The following POU2AF3 variants were observed in gnomAD, a reference collection of about 807,000 sequenced individuals.
POU2AF3 encodes POU class 2 homeobox associating factor 3.
chr11:111,298,826 G>GGGGGGGCGCC, the POU2AF3 span: 4 of 790,958 alleles, frequency 5.1e-6, no homozygotes, highest in Non-Finnish European at 6.8e-6. Flanking sequence ...CGTACCCCAG[G>GGGGGGGCGCC]CCCCCGCCCG....
At chr11:111,298,837 C>T in the POU2AF3 span, 1 of 1,070,100 alleles carries the variant, frequency 9.3e-7, no homozygotes, top group Non-Finnish European at 1.2e-6. Context: ...CCCCCGCCCG[C>T]CCTCCCACGT....
At chr11:111,298,609 A>G in the POU2AF3 span, 1 of 1,246,604 alleles carries the variant, frequency 8.0e-7, no homozygotes, top group Non-Finnish European at 1.0e-6. Flanking sequence ...TGCTTCTCCT[A>G]GGGTCGGGTC....
the POU2AF3 span, among the ~76,000 whole-genome samples, chr11:111,303,600 T>C: frequency 6.6e-6 from 1 of 152,218 alleles, no homozygotes; most frequent in East Asian, 1.9e-4. Context: ...AGGCAGATTT[T>C]TTAATACCCA....
chr11:111,301,292 C>T, the POU2AF3 span, among the ~76,000 whole-genome samples: 1 of 152,240 alleles, frequency 6.6e-6, no homozygotes, highest in Non-Finnish European at 1.5e-5. Flanking sequence ...CTGCCAAAGG[C>T]ACTCAGGGCA....
the POU2AF3 span, chr11:111,298,826 G>GCGGGGGGCGC: frequency 1.0e-5 from 8 of 790,960 alleles, no homozygotes; most frequent in African/African-American, 1.8e-5. Context: ...CGTACCCCAG[G>GCGGGGGGCGC]CCCCCGCCCG....
the POU2AF3 span, among the ~76,000 whole-genome samples, chr11:111,306,915 T>C: frequency 2.6e-5 from 4 of 152,242 alleles, no homozygotes; most frequent in Non-Finnish European, 5.9e-5. Context: ...ATTCATTTAA[T>C]GTTTTTTAAA....
the POU2AF3 span, chr11:111,298,562 C>A: frequency 8.0e-7 from 1 of 1,246,588 alleles, no homozygotes; most frequent in Non-Finnish European, 1.0e-6. Flanking sequence ...CAGCCACCGA[C>A]CCAGCTCCTG....
chr11:111,303,163 A>G, the POU2AF3 span, among the ~76,000 whole-genome samples: 9 of 152,352 alleles, frequency 5.9e-5, no homozygotes, highest in South Asian at 1.7e-3. Flanking sequence ...CAGTGCCGGA[A>G]GAAACTGTGT....
At chr11:111,308,374 C>A in the POU2AF3 span, 1 of 1,551,686 alleles carries the variant, frequency 6.4e-7, no homozygotes, top group Non-Finnish European at 8.7e-7. Context: ...ACTTTGCCCC[C>A]TCAGCAGCCG....
the POU2AF3 span, chr11:111,300,495 A>C: frequency 8.8e-7 from 1 of 1,140,886 alleles, no homozygotes; most frequent in African/African-American, 1.6e-5. Context: ...CAGACCTTGG[A>C]CTCGACCACT....
chr11:111,299,363 C>A, the POU2AF3 span: 1 of 992,750 alleles, frequency 1.0e-6, no homozygotes, highest in Middle Eastern at 5.1e-4. Flanking sequence ...AGGGCCGGAG[C>A]CGCCCCGGAC....
chr11:111,308,406 G>A, the POU2AF3 span: 2 of 1,551,120 alleles, frequency 1.3e-6, no homozygotes, highest in South Asian at 2.4e-5. Flanking sequence ...TTCTATAAGA[G>A]GGAAACAAAC....
At chr11:111,308,013 T>G in the POU2AF3 span, 2 of 1,440,000 alleles carry the variant, frequency 1.4e-6, no homozygotes, top group South Asian at 1.5e-5. Context: ...ACTGTTCAGT[T>G]CTTTGATCCT....
chr11:111,302,156 A>G, the POU2AF3 span, among the ~76,000 whole-genome samples: 2 of 152,160 alleles, frequency 1.3e-5, no homozygotes, highest in East Asian at 3.9e-4. Context: ...AAAATTCAAA[A>G]CCTTGAAGTT....
chr11:111,308,594 T>G, the POU2AF3 span: 27 of 723,878 alleles, frequency 3.7e-5, no homozygotes, highest in Non-Finnish European at 5.3e-5. Context: ...TCATATGAAG[T>G]CCTCAGACCC....
At chr11:111,302,487 T>C in the POU2AF3 span, among the ~76,000 whole-genome samples, 3 of 152,340 alleles carry the variant, frequency 2.0e-5, no homozygotes, top group African/African-American at 4.8e-5. Flanking sequence ...GTGGCACTTC[T>C]GTTGCTGCTG....
the POU2AF3 span, chr11:111,308,263 C>G: frequency 6.4e-7 from 1 of 1,551,826 alleles, no homozygotes; most frequent in Admixed American, 2.0e-5. Context: ...GCTGCTTCTC[C>G]TCGGCCACCA....
the POU2AF3 span, chr11:111,300,665 T>G: frequency 1.9e-4 from 207 of 1,091,356 alleles, no homozygotes; most frequent in Non-Finnish European, 2.3e-4. Context: ...ATGCCAGGCC[T>G]CTTTCAAAGC....
At chr11:111,304,737 G>A in the POU2AF3 span, 15 of 387,484 alleles carry the variant, frequency 3.9e-5, no homozygotes, top group African/African-American at 6.3e-5. Context: ...CCTTTCACTT[G>A]TTTTTTACAA....
Sources: gnomAD v4.1 joint callset for allele counts (sites outside exome capture counted in the v4.1 genomes callset) on GRCh38, gnomAD v4.1.1 for gene constraint, MANE v1.5 for transcripts, NCBI Gene and HGNC (gene_info 2026-07-23, HGNC 2026-07-21) for gene names.